The following DSC1 variants were observed in gnomAD, a reference collection of about 807,000 sequenced individuals.
DSC1 encodes desmocollin 1.
A neutral mutation model predicts 98.8 loss-of-function variants in DSC1; 79 were observed. The observed-to-expected ratio is 0.80, with a 90% CI of 0.67 to 0.96. The LOEUF is 0.96. Among genes scored for constraint, DSC1 ranks in the 50% least tolerant of loss-of-function variants. DSC1 has a pLI of 0.00. For synonymous variants in DSC1, 405 were observed against 372.1 expected (o/e 1.09, Z -1.02); for missense variants, 1,115 against 1,075.9 (o/e 1.04, Z -0.51).
intron 9 of DSC1, among the ~76,000 whole-genome samples, chr18:31,141,593 G>C (rs1328857947): frequency 1.3e-5 from 2 of 152,078 alleles, no homozygotes; most frequent in African/African-American, 2.4e-5. Flanking sequence ...ATCATAGAGA[G>C]GTAAAAATAA....
chr18:31,130,621 C>T lies in DSC1; in HGVS notation c.2578G>A (p.Gly860Ser), dbSNP rs766767693. 2.1e-5 allele frequency: 34 copies of T among 1,613,992 alleles called. No individual in the cohort carries two copies. The highest frequency in any genetic ancestry group is 3.3e-5 in the South Asian group (3 of 91,082). The change falls in exon 16 of 16, where the codon GGC becomes AGC. Residue 860 changes from glycine (G) to serine (S), a missense_variant. Coordinates refer to ENST00000257198, the MANE Select transcript of DSC1 (RefSeq NM_024421.2). ...YNYEGKGSLAGSVGCCSDRQE... is the reference protein window; with the variant it reads ...YNYEGKGSLASSVGCCSDRQE... Reference sequence around the variant, plus strand: ...CGATCGCTGCAGCAACCTACTGAGCCGGCCAGAGAACCTTTGCCTTCATAG... The same window carrying T: ...CGATCGCTGCAGCAACCTACTGAGCTGGCCAGAGAACCTTTGCCTTCATAG...
intron 14 of DSC1, chr18:31,132,275 C>G (rs1008428874): frequency 5.8e-6 from 2 of 346,780 alleles, no homozygotes; most frequent in Non-Finnish European, 1.1e-5. Flanking sequence ...AGATCCCTCC[C>G]CAGTTCCTTC....
intron 5 of DSC1, chr18:31,150,905 T>G (rs948535764): frequency 6.6e-5 from 10 of 152,206 alleles, no homozygotes; most frequent in Non-Finnish European, 1.2e-4. Context: ...CTTCAATAAA[T>G]AGCTCTTTGC....
chr18:31,162,498 GC>G, intron 1 of DSC1, 33 bp downstream of exon 1: 1 of 1,606,054 alleles, frequency 6.2e-7, no homozygotes, highest in African/African-American at 1.3e-5. Flanking sequence ...GTAGTAACAT[GC>G]TTGAATTCCC....
At chr18:31,146,123 C>T (rs759360714) in intron 6 of DSC1, among the ~76,000 whole-genome samples, 3 of 152,060 alleles carry the variant, frequency 2.0e-5, no homozygotes, top group African/African-American at 2.4e-5. Flanking sequence ...GGTACACATG[C>T]GGGTTTGTTA....
chr18:31,151,397 T>C lies in DSC1; in HGVS notation c.628-2755A>G, dbSNP rs143137950. 1.9e-3 allele frequency among the ~76,000 whole-genome samples: 295 copies of C among 152,312 alleles called. 3 individuals carry two copies. Among genetic ancestry groups the C allele is most frequent in the African/African-American group, 6.8e-3 (281 of 41,576 alleles). On this transcript the variant is annotated intron_variant, in intron 5 of 15. Coordinates refer to ENST00000257198, the MANE Select transcript of DSC1 (RefSeq NM_024421.2). ...AGAGTAACTCATTATAAATATGTTATTTAGTCAACAAAGCAACAATTTCAA... is the reference window on the plus strand; with the variant it reads ...AGAGTAACTCATTATAAATATGTTACTTAGTCAACAAAGCAACAATTTCAA...
Position 31,132,707 on chromosome 18 carries a change from T to A in DSC1, c.2117-18A>T. On this transcript the variant is annotated intron_variant, in intron 13 of 15. Coordinates refer to ENST00000257198, the MANE Select transcript of DSC1 (RefSeq NM_024421.2). ...CAGAATACCTAAAAAGCAAAAAAGA[T>A]CAAAGTAAAACACAGACATTAAATC... The A allele has an allele frequency of 6.2e-7, 1 of 1,604,940 alleles. No homozygotes were observed.
chr18:31,143,262 C>T (rs1486585501), intron 8 of DSC1, among the ~76,000 whole-genome samples: 1 of 151,736 alleles, frequency 6.6e-6, no homozygotes, highest in Non-Finnish European at 1.5e-5. Flanking sequence ...TAGGCTAGTT[C>T]CTTACTTATC....
At chr18:31,159,817 T>A (rs974097104) in intron 1 of DSC1, among the ~76,000 whole-genome samples, 1 of 152,198 alleles carries the variant, frequency 6.6e-6, no homozygotes. Flanking sequence ...TGACTTTATA[T>A]AGAAGTTATA....
intron 2 of DSC1, among the ~76,000 whole-genome samples, chr18:31,157,953 G>A (rs6506886): frequency 0.7 from 106,107 of 152,064 alleles, 37,307 homozygotes; most frequent in East Asian, 0.81. Context: ...ACTTTTTGCA[G>A]TAGTTTGATA....
intron 1 of DSC1, among the ~76,000 whole-genome samples, chr18:31,161,612 G>A (rs1462957832): frequency 6.6e-6 from 1 of 152,062 alleles, no homozygotes; most frequent in African/African-American, 2.4e-5. Flanking sequence ...AACAGGAGAT[G>A]AATTGTCCAA....
intron 13 of DSC1, 38 bp downstream of exon 13, chr18:31,133,853 G>T: frequency 1.3e-6 from 2 of 1,541,860 alleles, no homozygotes; most frequent in Non-Finnish European, 1.8e-6. Flanking sequence ...TAAAATTTTA[G>T]CTAACACATT....
chr18:31,136,195 A>C (rs2144919732), intron 11 of DSC1, among the ~76,000 whole-genome samples: 1 of 152,258 alleles, frequency 6.6e-6, no homozygotes, highest in African/African-American at 2.4e-5. Flanking sequence ...TAGCAAATAA[A>C]GTTGAATATA....
intron 5 of DSC1, among the ~76,000 whole-genome samples, chr18:31,150,140 A>T (rs987326673): frequency 6.9e-6 from 1 of 144,404 alleles, no homozygotes; most frequent in African/African-American, 2.6e-5. Flanking sequence ...CATTATCACC[A>T]TTATCATCGC....
At chr18:31,137,550 C>T (rs559801258) in intron 11 of DSC1, among the ~76,000 whole-genome samples, 16 of 152,002 alleles carry the variant, frequency 1.1e-4, no homozygotes, top group African/African-American at 2.9e-4. Context: ...TGGAAAGGGA[C>T]GATTTACAAA....
At chr18:31,130,846 TA>T in intron 15 of DSC1, 135 bp from the exon 16 acceptor site, 1 of 1,607,808 alleles carries the variant, frequency 6.2e-7, no homozygotes, top group South Asian at 1.1e-5. Flanking sequence ...TTCCTATATA[TA>T]AAAAATGCAC....
chr18:31,159,178 C>T lies in DSC1; in HGVS notation c.148+267G>A, dbSNP rs964099326. ...ACGCCATTCTCCTGCCTCAGCCTCC[C>T]GAGTAGCTGGGACTACAGGCGCCCG... On this transcript the variant is annotated intron_variant, in intron 2 of 15. Transcript: ENST00000257198. 1.3e-4 allele frequency among the ~76,000 whole-genome samples: 13 copies of T among 102,432 alleles called. 1 individual carries two copies. Among genetic ancestry groups the T allele is most frequent in the Non-Finnish European group, 1.9e-4 (9 of 47,380 alleles). 67.2% of individuals were successfully genotyped at this position (102,432 alleles called of 152,430 possible). A position where few individuals can be genotyped will look rare whatever the true frequency, so the allele number is the denominator to read the frequency against.
chr18:31,151,232 G>C (rs1294970825), intron 5 of DSC1, among the ~76,000 whole-genome samples: 2 of 152,152 alleles, frequency 1.3e-5, no homozygotes, highest in Non-Finnish European at 2.9e-5. Context: ...CTCAGAGTTG[G>C]TGATTTTACT....
intron 7 of DSC1, among the ~76,000 whole-genome samples, chr18:31,144,161 C>T (rs1249218991): frequency 6.6e-6 from 1 of 152,078 alleles, no homozygotes; most frequent in African/African-American, 2.4e-5. Context: ...CTGCCTGCCT[C>T]GGCCTCCCAA....
Sources: gnomAD v4.1 joint callset for allele counts (sites outside exome capture counted in the v4.1 genomes callset) on GRCh38, gnomAD v4.1.1 for gene constraint, MANE v1.5 for transcripts, NCBI Gene and HGNC (gene_info 2026-07-23, HGNC 2026-07-21) for gene names.